BACH2: variants seen among roughly 807,000 people sequenced by gnomAD.
BACH2 encodes BACH transcriptional regulator 2, also known as transcription regulator protein BACH2.
BACH2 carries 5 observed loss-of-function variants against 61.8 expected under a neutral mutation model. The observed-to-expected ratio is 0.08, with a 90% CI of 0.04 to 0.17. BACH2 has a LOEUF of 0.17. Ranked by LOEUF, BACH2 falls within the 10% of genes least tolerant of loss-of-function variation. The probability of loss-of-function intolerance (pLI) is 1.00; values close to 1 mark genes in which losing one functional copy is unlikely to be tolerated. For synonymous variants in BACH2, 446 were observed against 440.1 expected, an observed-to-expected ratio of 1.01 and a Z score of -0.17; for missense variants, 824 against 1,091.1, an observed-to-expected ratio of 0.76 and a Z score of 3.45.
intron 1 of BACH2, among the ~76,000 whole-genome samples, chr6:90,284,432 G>A (rs1771954788): frequency 6.6e-6 from 1 of 152,106 alleles, no homozygotes; most frequent in African/African-American, 2.4e-5. Context: ...CAGGGTTATG[G>A]GGCTACTTAG....
intron 6 of BACH2, among the ~76,000 whole-genome samples, chr6:89,986,343 T>C (rs1015151744): frequency 1.2e-4 from 18 of 151,922 alleles, no homozygotes; most frequent in African/African-American, 3.6e-4. Context: ...GGCTGCCTCC[T>C]ACTGCGTTTT....
chr6:90,005,079 T>C (rs1277593470), intron 6 of BACH2, among the ~76,000 whole-genome samples: 1 of 152,184 alleles, frequency 6.6e-6, no homozygotes, highest in African/African-American at 2.4e-5. Context: ...TGCTGGGCTC[T>C]GTGAGTGGCT....
At chr6:90,295,515 C>T (rs1199076699) in intron 1 of BACH2, among the ~76,000 whole-genome samples, 1 of 152,078 alleles carries the variant, frequency 6.6e-6, no homozygotes, top group Admixed American at 6.5e-5. Flanking sequence ...CCAGCGGCGC[C>T]GGGCTCCCGA....
At chr6:90,159,311 C>A (rs943563546) in intron 4 of BACH2, among the ~76,000 whole-genome samples, 16 of 152,146 alleles carry the variant, frequency 1.1e-4, no homozygotes, top group Non-Finnish European at 1.6e-4. Context: ...AATACAGTAT[C>A]CACTGCACAG....
At chr6:90,059,703 T>G (rs909175447) in intron 5 of BACH2, among the ~76,000 whole-genome samples, 2 of 151,892 alleles carry the variant, frequency 1.3e-5, no homozygotes, top group Admixed American at 1.3e-4. Flanking sequence ...CTATTCACAA[T>G]AGCAAAGACT....
intron 4 of BACH2, among the ~76,000 whole-genome samples, chr6:90,169,740 C>G (rs900864321): frequency 6.6e-6 from 1 of 152,160 alleles, no homozygotes; most frequent in Non-Finnish European, 1.5e-5. Flanking sequence ...TCTTTGTTCC[C>G]TTCTGGTTAC....
intron 5 of BACH2, among the ~76,000 whole-genome samples, chr6:90,085,122 CCTGT>C (rs1200452585): frequency 6.6e-6 from 1 of 152,152 alleles, no homozygotes; most frequent in Non-Finnish European, 1.5e-5. Context: ...CACTCACTAA[CCTGT>C]CTGTGACTTA....
chr6:90,072,187 T>A (rs1781263064), intron 5 of BACH2, among the ~76,000 whole-genome samples: 1 of 152,244 alleles, frequency 6.6e-6, no homozygotes, highest in Non-Finnish European at 1.5e-5. Context: ...TTCTTCAACT[T>A]GTTTACTGTA....
chr6:90,202,049 C>T (rs1418951168), intron 4 of BACH2, among the ~76,000 whole-genome samples: 1 of 152,142 alleles, frequency 6.6e-6, no homozygotes, highest in African/African-American at 2.4e-5. Context: ...AACCAGTGGG[C>T]GTGATGACTC....
chr6:89,994,431 T>C (rs1200894526), intron 6 of BACH2, among the ~76,000 whole-genome samples: 2 of 152,226 alleles, frequency 1.3e-5, no homozygotes, highest in Non-Finnish European at 2.9e-5. Flanking sequence ...GAAAAGGTCT[T>C]CTAACTTTAA....
At position 90,067,597 on chromosome 6, in the gene BACH2, G is replaced by A. The variant is rs577453097; in HGVS notation, c.-13+21364C>T. 3.9e-5 allele frequency among the ~76,000 whole-genome samples: 6 copies of A among 152,304 alleles called. No homozygotes were observed. The East Asian group carries it at 1.2e-3, about 29-fold the overall frequency. On this transcript the variant is annotated intron_variant, in intron 5 of 8. Transcript: ENST00000257749. ...ATGCAGAGGACGAGCTGGCCACATT[G>A]GGAAACAGTGAAGGTCGGGAAGGAG...
At chr6:90,040,046 G>A (rs1205363167) in intron 5 of BACH2, among the ~76,000 whole-genome samples, 1 of 149,838 alleles carries the variant, frequency 6.7e-6, no homozygotes, top group African/African-American at 2.5e-5. Flanking sequence ...TTTGGCCGTG[G>A]TTTATGGTGG....
At position 89,931,968 on chromosome 6, in the gene BACH2, AT is replaced by A. The variant is rs1772677813; in HGVS notation, c.*439del. The stretch of plus-strand genomic sequence containing the variant: ...ATATATATATATATATTTTATATAT[AT>A]ATTATATATAATATGTACAGTCTAG... On this transcript the variant is annotated 3_prime_UTR_variant, in exon 9 of 9. Transcript: ENST00000257749. 6.8e-6 allele frequency: 1 copy of A among 147,710 alleles called. No individual in the cohort carries two copies. Among genetic ancestry groups the A allele is most frequent in the Non-Finnish European group, 1.5e-5 (1 of 67,184 alleles). 9.1% of individuals were successfully genotyped at this position (147,710 alleles called of 1,614,324 possible).
At chr6:90,070,827 C>T (rs149550189) in intron 5 of BACH2, among the ~76,000 whole-genome samples, 47 of 152,312 alleles carry the variant, frequency 3.1e-4, no homozygotes, top group African/African-American at 1.1e-3. Context: ...CTAAATGCAG[C>T]TTTTGTGTCT....
intron 6 of BACH2, among the ~76,000 whole-genome samples, chr6:89,999,203 C>T (rs369124126): frequency 6.6e-6 from 1 of 152,310 alleles, no homozygotes; most frequent in East Asian, 1.9e-4. Context: ...CAGCTTTCAG[C>T]CTAAATGATC....
chr6:90,038,501 G>T (rs1027664045), intron 5 of BACH2, among the ~76,000 whole-genome samples: 4 of 152,108 alleles, frequency 2.6e-5, no homozygotes, highest in Non-Finnish European at 1.5e-5. Context: ...TCTAAAGATG[G>T]TTTGAAAAAT....
In BACH2 at chr6:89,950,620, G is replaced by A; in HGVS notation, c.1486C>T (p.Pro496Ser). 3.1e-6 allele frequency: 5 copies of A among 1,613,944 alleles called. No homozygotes were observed. The highest frequency in any genetic ancestry group is 4.2e-6 in the Non-Finnish European group (5 of 1,179,950). Residue 496 changes from proline (P) to serine (S), a missense_variant, in exon 7 of 9, where the codon CCC becomes TCC. By Grantham distance (74) the Pro-to-Ser change is moderately conservative (BLOSUM62 -1). This residue lies in a region of BACH2 where 102 missense variants were observed against 98.1 expected (regional missense o/e 1.04). Transcript: ENST00000257749. This position sits in a 1 kb window ranked among gnomAD's most constrained non-coding sequence, Gnocchi z 5.3. ...ATTGGTACCGGGCAGCTGGTGTTGG[G>A]CCGCATCCTTCCTGGCAAGTGGTCG... ...MADHLPGRMRPNTSCPVPIKV... is the reference protein window; with the variant it reads ...MADHLPGRMRSNTSCPVPIKV...
chr6:90,097,646 A>G (rs752473280), intron 4 of BACH2, among the ~76,000 whole-genome samples: 3 of 152,222 alleles, frequency 2.0e-5, no homozygotes, highest in Non-Finnish European at 2.9e-5. Flanking sequence ...TAGCCGATAT[A>G]CTTTTTAAAA....
At chr6:90,105,689 G>C (rs1341071935) in intron 4 of BACH2, among the ~76,000 whole-genome samples, 2 of 152,150 alleles carry the variant, frequency 1.3e-5, no homozygotes, top group African/African-American at 4.8e-5. Context: ...AAAACTATTT[G>C]ATGTTGCTTC....
Sources: allele counts gnomAD v4.1 joint callset (sites outside exome capture counted in the v4.1 genomes callset), GRCh38; gene constraint gnomAD v4.1.1; regional missense constraint gnomAD v4.1.1; non-coding constraint Gnocchi (gnomAD v3.1); transcripts MANE v1.5; gene names NCBI Gene and HGNC (gene_info 2026-07-23, HGNC 2026-07-21).